The following LSM14A variants were observed in gnomAD, a reference collection of about 807,000 sequenced individuals.
The protein encoded by LSM14A is protein LSM14 homolog A.
Under a neutral mutation model 52.4 loss-of-function variants are expected in LSM14A, and 14 were observed. That is an observed-to-expected ratio of 0.27 (90% confidence interval 0.18 to 0.42). The LOEUF (loss-of-function observed/expected upper bound fraction) is 0.42, where lower values mean the gene tolerates loss of function less well. Ranked by LOEUF, LSM14A falls within the 10% of genes least tolerant of loss-of-function variation. The probability of loss-of-function intolerance (pLI) is 1.00; values close to 1 mark genes in which losing one functional copy is unlikely to be tolerated. For missense variants in LSM14A, 417 were observed against 581.8 expected, an observed-to-expected ratio of 0.72 and a Z score of 2.91; for synonymous variants, 185 against 200.3, an observed-to-expected ratio of 0.92 and a Z score of 0.64.
chr19:34,197,718 G>A (rs975723625), intron 3 of LSM14A, among the ~76,000 whole-genome samples: 2 of 152,106 alleles, frequency 1.3e-5, no homozygotes, highest in African/African-American at 4.8e-5. Context: ...TGGGATTACA[G>A]GCGTGAGCCA....
intron 3 of LSM14A, among the ~76,000 whole-genome samples, chr19:34,201,756 T>C (rs1287160142): frequency 1.3e-5 from 2 of 152,232 alleles, no homozygotes; most frequent in African/African-American, 4.8e-5. Context: ...GATCACAGTA[T>C]TGCTATTTGA....
chr19:34,177,612 C>A (rs752563749), intron 1 of LSM14A, among the ~76,000 whole-genome samples: 9 of 152,174 alleles, frequency 5.9e-5, no homozygotes, highest in Non-Finnish European at 8.8e-5. Context: ...CCCGGCTGGG[C>A]AGGGTGACTC....
At chr19:34,186,217 T>G (rs577671172) in intron 1 of LSM14A, among the ~76,000 whole-genome samples, 1 of 152,216 alleles carries the variant, frequency 6.6e-6, no homozygotes, top group East Asian at 1.9e-4. Flanking sequence ...TAGAATGCTG[T>G]GTGGTTTTCA....
intron 4 of LSM14A, 145 bp from the exon 5 acceptor site, chr19:34,214,979 A>G (rs1599712681): frequency 2.1e-6 from 1 of 479,122 alleles, no homozygotes; most frequent in African/African-American, 2.0e-5. Flanking sequence ...ACCATTCTTA[A>G]TATCTGGTCT....
chr19:34,185,292 C>T (rs896533899), intron 1 of LSM14A, among the ~76,000 whole-genome samples: 2 of 152,006 alleles, frequency 1.3e-5, no homozygotes, highest in African/African-American at 2.4e-5. Context: ...GTGAGGTGAT[C>T]GAGAATATTG....
intron 1 of LSM14A, among the ~76,000 whole-genome samples, chr19:34,192,632 CAAAAAAA>C (rs548374017): frequency 2.6e-5 from 2 of 76,948 alleles, no homozygotes; most frequent in East Asian, 1.8e-3. Context: ...ATCAGTTCTG[CAAAAAAA>C]AAAAAAAAAA....
Position 34,215,772 on chromosome 19 carries a change from A to G in LSM14A, c.781+111A>G, listed in dbSNP as rs916804380. 1.1e-4 allele frequency: 85 copies of G among 751,630 alleles called. No individual in the cohort carries two copies. The Admixed American group carries it at 1.5e-3, about 14-fold the overall frequency. The allele number at this position is 751,630 out of a possible 1,614,324, so 46.6% of individuals were successfully genotyped here. The stretch of plus-strand genomic sequence containing the variant: ...AATGAAAGGCGGGGGTTGTGACTGT[A>G]AAGGAGGAGCACAGGGGAGTGTCAC... On this transcript the variant is annotated intron_variant, in intron 6 of 9. Transcript: ENST00000544216.
At chr19:34,207,891 A>G (rs2071826364) in intron 3 of LSM14A, among the ~76,000 whole-genome samples, 1 of 152,154 alleles carries the variant, frequency 6.6e-6, no homozygotes, top group African/African-American at 2.4e-5. Flanking sequence ...AGTCCAAGAA[A>G]GGAAGGGGAG....
At chr19:34,192,445 C>T (rs1198363956) in intron 1 of LSM14A, among the ~76,000 whole-genome samples, 1 of 148,546 alleles carries the variant, frequency 6.7e-6, no homozygotes, top group Non-Finnish European at 1.5e-5. Context: ...CCCGCCTCAG[C>T]CACCTGAGCA....
intron 3 of LSM14A, among the ~76,000 whole-genome samples, chr19:34,197,848 G>A (rs1455772058): frequency 1.3e-5 from 2 of 152,266 alleles, no homozygotes; most frequent in South Asian, 4.1e-4. Context: ...CACTGGATTT[G>A]AAACGAAACT....
At chr19:34,213,578 C>T (rs1027875492) in intron 4 of LSM14A, among the ~76,000 whole-genome samples, 3 of 152,028 alleles carry the variant, frequency 2.0e-5, no homozygotes, top group Non-Finnish European at 4.4e-5. Flanking sequence ...GTGAAATGAG[C>T]ATTTTTTTTA....
At chr19:34,173,767 G>C (rs1381794757) in intron 1 of LSM14A, among the ~76,000 whole-genome samples, 1 of 152,224 alleles carries the variant, frequency 6.6e-6, no homozygotes, top group Non-Finnish European at 1.5e-5. Context: ...ACTTCTGGTA[G>C]AGGTGGGAAC....
chr19:34,180,317 T>G (rs184913311), intron 1 of LSM14A, among the ~76,000 whole-genome samples: 43 of 152,238 alleles, frequency 2.8e-4, no homozygotes, highest in Middle Eastern at 6.8e-3. Context: ...TGTTTGTTTG[T>G]TTTTTTCTGG....
At chr19:34,199,222 T>C (rs2145690187) in intron 3 of LSM14A, among the ~76,000 whole-genome samples, 1 of 152,114 alleles carries the variant, frequency 6.6e-6, no homozygotes, top group South Asian at 2.1e-4. Flanking sequence ...CCTCCCAGGC[T>C]CAAGCCATCC....
At chr19:34,199,715 C>G (rs914505640) in intron 3 of LSM14A, among the ~76,000 whole-genome samples, 5 of 152,104 alleles carry the variant, frequency 3.3e-5, no homozygotes, top group Non-Finnish European at 7.4e-5. Context: ...TTTCTAAATA[C>G]CACTCCCCAC....
chr19:34,217,185 G>A (rs1465016493), intron 6 of LSM14A, among the ~76,000 whole-genome samples: 1 of 151,274 alleles, frequency 6.6e-6, no homozygotes, highest in Non-Finnish European at 1.5e-5. Context: ...CTTGAACCCG[G>A]GAGGCGAGGT....
At position 34,221,757 on chromosome 19, in the gene LSM14A, A is replaced by AT. The variant is rs1310186886; in HGVS notation, c.1368+19_1368+20insT. 6.3e-7 allele frequency: 1 copy of AT among 1,586,122 alleles called. No individual in the cohort carries two copies. Among genetic ancestry groups the AT allele is most frequent in the Non-Finnish European group, 8.6e-7 (1 of 1,159,440 alleles). ...ATATAGGGTAAGTGTTACTGTTAAT[A>AT]AATTCTTTGGGGTTGACATGCATTT... is the stretch of plus-strand genomic sequence containing the variant. On this transcript the variant is annotated intron_variant, in intron 9 of 9. Coordinates refer to ENST00000544216, the MANE Select transcript of LSM14A (RefSeq NM_015578.4).
At chr19:34,212,559 C>T (rs2072248388) in intron 4 of LSM14A, among the ~76,000 whole-genome samples, 1 of 151,972 alleles carries the variant, frequency 6.6e-6, no homozygotes, top group Non-Finnish European at 1.5e-5. Flanking sequence ...AATGACAAGT[C>T]CTAAGAGTTT....
At chr19:34,206,128 C>A (rs1301539122) in intron 3 of LSM14A, among the ~76,000 whole-genome samples, 2 of 152,184 alleles carry the variant, frequency 1.3e-5, no homozygotes, top group South Asian at 2.1e-4. Flanking sequence ...TTAAAATCAC[C>A]CAGAAAGAAA....
Sources: allele counts gnomAD v4.1 joint callset (sites outside exome capture counted in the v4.1 genomes callset), GRCh38; gene constraint gnomAD v4.1.1; transcripts MANE v1.5; gene names NCBI Gene and HGNC (gene_info 2026-07-23, HGNC 2026-07-21).